BCAR3: variants seen among roughly 807,000 people sequenced by gnomAD.
BCAR3 encodes the protein BCAR3 adaptor protein, NSP family member, also known as breast cancer anti-estrogen resistance protein 3.
BCAR3 carries 37 observed loss-of-function variants against 80.1 expected under a neutral mutation model. That is an observed-to-expected ratio of 0.46 (90% CI 0.36 to 0.61). The LOEUF (loss-of-function observed/expected upper bound fraction) is 0.61, where lower values mean the gene tolerates loss of function less well. Among genes scored for constraint, BCAR3 ranks in the 20% least tolerant of loss-of-function variants. The probability of loss-of-function intolerance (pLI) is 0.00; values close to 1 mark genes in which losing one functional copy is unlikely to be tolerated. For synonymous variants in BCAR3, 389 were observed against 418.9 expected (o/e 0.93, Z 0.87); for missense variants, 978 against 1,068.2 (o/e 0.92, Z 1.18).
At chr1:93,595,923 G>A (rs1203597517) in intron 3 of BCAR3, among the ~76,000 whole-genome samples, 2 of 152,148 alleles carry the variant, frequency 1.3e-5, no homozygotes, top group Non-Finnish European at 2.9e-5. Flanking sequence ...GTATCCTTTC[G>A]CTTTTCTGCT....
chr1:93,621,511 G>GT (rs2101890422), intron 3 of BCAR3, among the ~76,000 whole-genome samples: 1 of 152,332 alleles, frequency 6.6e-6, no homozygotes, highest in East Asian at 1.9e-4. Flanking sequence ...GGTCACAGAA[G>GT]TGAGTACGGA....
At chr1:93,816,391 G>A (rs200444404) in intron 2 of BCAR3, among the ~76,000 whole-genome samples, 269 of 152,054 alleles carry the variant, frequency 1.8e-3, no homozygotes, top group Middle Eastern at 3.4e-3. Flanking sequence ...TTAAAACTCT[G>A]GGCTGGGCGC....
chr1:93,634,857 T>C (rs186542848), intron 3 of BCAR3, among the ~76,000 whole-genome samples: 13 of 152,312 alleles, frequency 8.5e-5, no homozygotes, highest in Non-Finnish European at 8.8e-5. Context: ...CCTTTTTCTT[T>C]TGTAAATTGC....
intron 2 of BCAR3, among the ~76,000 whole-genome samples, chr1:93,798,358 A>T (rs1653356410): frequency 6.6e-6 from 1 of 151,692 alleles, no homozygotes; most frequent in East Asian, 1.9e-4. Context: ...TTTTATTTTT[A>T]TTTTTTTTGC....
At chr1:93,669,659 G>T (rs1392020883) in intron 2 of BCAR3, among the ~76,000 whole-genome samples, 1 of 152,200 alleles carries the variant, frequency 6.6e-6, no homozygotes, top group Non-Finnish European at 1.5e-5. Context: ...TGGTATCCAA[G>T]CACTGATCCC....
intron 2 of BCAR3, among the ~76,000 whole-genome samples, chr1:93,829,857 T>C (rs1399075970): frequency 6.6e-6 from 1 of 152,156 alleles, no homozygotes; most frequent in Non-Finnish European, 1.5e-5. Flanking sequence ...ATCCCCAGCA[T>C]TGGAAGTGGG....
chr1:93,780,501 T>C (rs1652727228), intron 2 of BCAR3, among the ~76,000 whole-genome samples: 1 of 149,028 alleles, frequency 6.7e-6, no homozygotes, highest in Non-Finnish European at 1.5e-5. Flanking sequence ...AGCAATCAAG[T>C]GGCCCAAAGC....
At chr1:93,836,370 A>G (rs1291375563) in intron 2 of BCAR3, among the ~76,000 whole-genome samples, 1 of 152,168 alleles carries the variant, frequency 6.6e-6, no homozygotes, top group Non-Finnish European at 1.5e-5. Flanking sequence ...TAGTCCTTTA[A>G]TACCTGTTTT....
intron 2 of BCAR3, among the ~76,000 whole-genome samples, chr1:93,780,568 AG>A (rs1281321984): frequency 1.8e-5 from 2 of 110,118 alleles, no homozygotes; most frequent in South Asian, 2.6e-4. Flanking sequence ...TGAAGAGGAG[AG>A]GAAAAAAAAA....
intron 2 of BCAR3, among the ~76,000 whole-genome samples, chr1:93,724,971 G>T (rs1650530022): frequency 6.6e-6 from 1 of 152,206 alleles, no homozygotes; most frequent in Non-Finnish European, 1.5e-5. Context: ...ACTGATGAGT[G>T]AGGGAAATGC....
At chr1:93,676,841 C>G (rs934901063) in intron 1 of BCAR3, among the ~76,000 whole-genome samples, 2 of 152,204 alleles carry the variant, frequency 1.3e-5, no homozygotes, top group African/African-American at 4.8e-5. Flanking sequence ...CACTGTTGAT[C>G]AAATCTATTT....
At chr1:93,631,570 C>G (rs945687606) in intron 3 of BCAR3, among the ~76,000 whole-genome samples, 2 of 152,096 alleles carry the variant, frequency 1.3e-5, no homozygotes, top group Non-Finnish European at 2.9e-5. Context: ...CAGGCCACAC[C>G]AGATTCGAAG....
chr1:93,722,627 T>G (rs983144656), intron 2 of BCAR3, among the ~76,000 whole-genome samples: 9 of 152,166 alleles, frequency 5.9e-5, no homozygotes, highest in African/African-American at 2.2e-4. Flanking sequence ...GGGTGACTTA[T>G]TACTTTCTAT....
intron 8 of BCAR3, among the ~76,000 whole-genome samples, chr1:93,573,634 T>A (rs1673323831): frequency 8.9e-6 from 1 of 112,370 alleles, no homozygotes; most frequent in Admixed American, 8.1e-5. Context: ...ATTATTATTA[T>A]TTTTTTTTTT....
At position 93,763,658 on chromosome 1, in the gene BCAR3, G is replaced by GC. The variant is rs1326934632; in HGVS notation, c.-62-57517dup. ...CCAGTCTTCTTAGCTCATTTTTCTG[G>GC]CTCCTGCCCACCTCTCTCTCCAGAC... On this transcript the variant is annotated intron_variant, in intron 2 of 13. Coordinates refer to the BCAR3 transcript ENST00000370244. Among the ~76,000 whole-genome samples, 6 of 152,086 alleles carry GC rather than the reference G, an allele frequency of 3.9e-5. No individual in the cohort carries two copies. The East Asian group carries it at 1.2e-3, about 29-fold the overall frequency.
intron 2 of BCAR3, among the ~76,000 whole-genome samples, chr1:93,783,878 C>T (rs1571124803): frequency 6.6e-6 from 1 of 152,200 alleles, no homozygotes; most frequent in Admixed American, 6.5e-5. Context: ...GACTTTGGGA[C>T]TGCTTCAATT....
chr1:93,764,293 T>C (rs1652062647), intron 2 of BCAR3, among the ~76,000 whole-genome samples: 1 of 152,056 alleles, frequency 6.6e-6, no homozygotes. Flanking sequence ...GTTTCTGGAA[T>C]ATGGATGTCC....
chr1:93,634,723 A>AAC (rs1675726193), intron 3 of BCAR3, among the ~76,000 whole-genome samples: 1 of 149,580 alleles, frequency 6.7e-6, no homozygotes, highest in Non-Finnish European at 1.5e-5. Context: ...ACAACAACAA[A>AAC]AAAAAAACGG....
chr1:93,820,202 C>G (rs1398261223), intron 2 of BCAR3, among the ~76,000 whole-genome samples: 2 of 152,322 alleles, frequency 1.3e-5, no homozygotes, highest in East Asian at 3.9e-4. Context: ...TTTCGATGCT[C>G]TTAATACTTC....
Sources: gnomAD v4.1 joint callset for allele counts (sites outside exome capture counted in the v4.1 genomes callset) on GRCh38, gnomAD v4.1.1 for gene constraint, MANE v1.5 for transcripts, NCBI Gene and HGNC (gene_info 2026-07-23, HGNC 2026-07-21) for gene names.